MTHFD1L: variants seen among roughly 807,000 people sequenced by gnomAD.
MTHFD1L encodes the protein methylenetetrahydrofolate dehydrogenase (NADP+ dependent) 1 like.
A neutral mutation model predicts 119.5 loss-of-function variants in MTHFD1L; 81 were observed. The ratio of observed to expected loss-of-function variants is 0.68; its 90% CI spans 0.57 to 0.82. MTHFD1L has a LOEUF of 0.82. MTHFD1L is among the 40% of genes least tolerant of loss of function. The probability of loss-of-function intolerance (pLI) is 0.00; values close to 1 mark genes in which losing one functional copy is unlikely to be tolerated. For missense variants in MTHFD1L, 1,125 were observed against 1,253.4 expected (o/e 0.90, Z 1.55); for synonymous variants, 430 against 475.2 (o/e 0.90, Z 1.24).
chr6:151,048,863 T>C (rs1584313770), intron 26 of MTHFD1L, among the ~76,000 whole-genome samples: 1 of 152,172 alleles, frequency 6.6e-6, no homozygotes, highest in African/African-American at 2.4e-5. Context: ...GCTGGCTGTG[T>C]GGGGGCTTTT....
intron 17 of MTHFD1L, among the ~76,000 whole-genome samples, chr6:150,958,802 A>G (rs1236223099): frequency 1.3e-5 from 2 of 152,226 alleles, no homozygotes. Context: ...GCCTTCCGCT[A>G]TGCACGTCAT....
chr6:150,932,327 T>C (rs1791200220), intron 11 of MTHFD1L, among the ~76,000 whole-genome samples: 1 of 152,126 alleles, frequency 6.6e-6, no homozygotes, highest in African/African-American at 2.4e-5. Flanking sequence ...AGAATGCTTA[T>C]CATGAAGCCA....
At position 150,912,591 on chromosome 6, in the gene MTHFD1L, C is replaced by T. The variant is rs1405655810; in HGVS notation, c.893-5986C>T. The T allele has an allele frequency of 1.6e-5, 7 of 445,920 alleles. 1 individual carries two copies. Among genetic ancestry groups the T allele is most frequent in the Admixed American group, 2.4e-5 (1 of 40,946 alleles). The allele number at this position is 445,920 out of a possible 1,614,324, so 27.6% of individuals were successfully genotyped here. ...AGTTCCCAGGGTGGTCTCTGCACTG[C>T]TCATATTAGTGAAAGGGTGGTTCTG... On this transcript the variant is annotated intron_variant, in intron 8 of 27. Coordinates refer to ENST00000367321, the MANE Select transcript of MTHFD1L (RefSeq NM_015440.5).
At chr6:151,052,161 G>GT (rs1193589299) in intron 26 of MTHFD1L, among the ~76,000 whole-genome samples, 4 of 152,346 alleles carry the variant, frequency 2.6e-5, no homozygotes, top group African/African-American at 9.6e-5. Context: ...TGACCCGCGA[G>GT]TGCCCTGCAC....
At chr6:151,034,720 T>G in intron 25 of MTHFD1L, 120 bp downstream of exon 25, 1 of 690,404 alleles carries the variant, frequency 1.4e-6, no homozygotes, top group Non-Finnish European at 2.6e-6. Context: ...TATTGTATGG[T>G]TAACAAAGAT....
chr6:150,939,960 C>T (rs890860659), intron 13 of MTHFD1L, among the ~76,000 whole-genome samples: 3 of 152,100 alleles, frequency 2.0e-5, no homozygotes, highest in Admixed American at 6.5e-5. Context: ...GTTAGGATTA[C>T]AGGCGTGAGC....
At chr6:151,011,572 G>A (rs1035132331) in intron 21 of MTHFD1L, among the ~76,000 whole-genome samples, 4 of 152,166 alleles carry the variant, frequency 2.6e-5, no homozygotes, top group African/African-American at 9.7e-5. Context: ...TCTCTGTCCT[G>A]TAAAAATTCT....
chr6:150,884,361 C>T (rs1334115957), intron 5 of MTHFD1L, among the ~76,000 whole-genome samples: 1 of 151,884 alleles, frequency 6.6e-6, no homozygotes, highest in Non-Finnish European at 1.5e-5. Context: ...AGGATGGTCT[C>T]GATCTCCTGA....
intron 26 of MTHFD1L, among the ~76,000 whole-genome samples, chr6:151,062,165 G>A (rs1225660363): frequency 3.9e-5 from 6 of 152,302 alleles, no homozygotes; most frequent in African/African-American, 9.6e-5. Context: ...GGCCGGGTGC[G>A]GTGGCTCACG....
chr6:150,934,984 C>T, intron 11 of MTHFD1L: 1 of 1,555,134 alleles, frequency 6.4e-7, no homozygotes. Context: ...AATGGGCTAT[C>T]AGACCAGACT....
chr6:151,094,526 C>G (rs952751527), intron 27 of MTHFD1L, among the ~76,000 whole-genome samples: 2 of 151,782 alleles, frequency 1.3e-5, no homozygotes, highest in African/African-American at 4.8e-5. Flanking sequence ...CCACGCCCCG[C>G]TGATTTTTGT....
chr6:150,893,689 T>C (rs1234295645), intron 7 of MTHFD1L, among the ~76,000 whole-genome samples: 1 of 152,176 alleles, frequency 6.6e-6, no homozygotes, highest in Non-Finnish European at 1.5e-5. Flanking sequence ...CTATCTACCA[T>C]CTCTTAAACT....
intron 19 of MTHFD1L, among the ~76,000 whole-genome samples, chr6:150,970,125 GC>G (rs1471045854): frequency 1.3e-5 from 2 of 152,134 alleles, no homozygotes; most frequent in African/African-American, 4.8e-5. Context: ...GTCATCAAGG[GC>G]CACATCCTTA....
At chr6:150,959,096 A>G (rs1796065763) in intron 17 of MTHFD1L, 1 of 740,192 alleles carries the variant, frequency 1.4e-6, no homozygotes, top group Non-Finnish European at 1.6e-6. Flanking sequence ...AAGACCACTT[A>G]TGTTTGGAAT....
intron 19 of MTHFD1L, among the ~76,000 whole-genome samples, chr6:150,970,143 G>T (rs1352695439): frequency 3.9e-5 from 6 of 152,210 alleles, no homozygotes; most frequent in African/African-American, 1.4e-4. Context: ...CTTACAGGTT[G>T]CCAGGAGACC....
intron 10 of MTHFD1L, among the ~76,000 whole-genome samples, chr6:150,922,647 C>CT (rs35497180): frequency 8.3e-5 from 9 of 108,206 alleles, no homozygotes; most frequent in Non-Finnish European, 1.5e-4. Flanking sequence ...CCCCCCCACC[C>CT]TTTTTTTTTT....
chr6:151,024,631 C>A (rs1374114684), intron 24 of MTHFD1L, among the ~76,000 whole-genome samples: 1 of 152,148 alleles, frequency 6.6e-6, no homozygotes, highest in Non-Finnish European at 1.5e-5. Context: ...GAGTTGGAGA[C>A]CAGCCTGGCC....
At chr6:150,874,323 C>T (rs1780036184) in intron 1 of MTHFD1L, among the ~76,000 whole-genome samples, 1 of 152,172 alleles carries the variant, frequency 6.6e-6, no homozygotes, top group Admixed American at 6.5e-5. Context: ...GCACCCAGTC[C>T]ATCTGTTCCG....
intron 7 of MTHFD1L, among the ~76,000 whole-genome samples, chr6:150,895,475 G>T (rs528328006): frequency 6.6e-6 from 1 of 152,056 alleles, no homozygotes; most frequent in Non-Finnish European, 1.5e-5. Context: ...TCAGAGAACC[G>T]TTTTATTTTG....
Sources: gnomAD v4.1 joint callset for allele counts (sites outside exome capture counted in the v4.1 genomes callset) on GRCh38, gnomAD v4.1.1 for gene constraint, MANE v1.5 for transcripts, NCBI Gene and HGNC (gene_info 2026-07-23, HGNC 2026-07-21) for gene names.